Variants in VPS8 observed in about 807,000 individuals in gnomAD.
VPS8 encodes the protein vacuolar protein sorting-associated protein 8 homolog.
A neutral mutation model predicts 216.4 loss-of-function variants in VPS8; 129 were observed. That is an observed-to-expected ratio of 0.60 (90% confidence interval 0.52 to 0.69). The LOEUF (loss-of-function observed/expected upper bound fraction) is 0.69, where lower values mean the gene tolerates loss of function less well. Ranked by LOEUF, VPS8 falls within the 30% of genes least tolerant of loss-of-function variation. The pLI, the probability that VPS8 is intolerant of heterozygous loss-of-function variation, is 0.00. For synonymous variants in VPS8, 571 were observed against 565.4 expected (o/e 1.01, Z -0.14); for missense variants, 1,531 against 1,683.5 (o/e 0.91, Z 1.59).
intron 21 of VPS8, among the ~76,000 whole-genome samples, chr3:184,876,885 C>T (rs1729369516): frequency 1.3e-5 from 2 of 152,090 alleles, no homozygotes; most frequent in African/African-American, 4.8e-5. Flanking sequence ...ACACAGCAGC[C>T]AAAGAGAAAT....
chr3:184,927,114 A>G (rs1231976722), intron 31 of VPS8, among the ~76,000 whole-genome samples: 1 of 152,132 alleles, frequency 6.6e-6, no homozygotes, highest in African/African-American at 2.4e-5. Context: ...CCCTCCGCTA[A>G]TTATCATGAG....
intron 46 of VPS8, among the ~76,000 whole-genome samples, chr3:185,027,710 A>G (rs1561185928): frequency 6.6e-6 from 1 of 152,210 alleles, no homozygotes; most frequent in Non-Finnish European, 1.5e-5. Context: ...CAAACTGAGT[A>G]ATGTCCCAGC....
At chr3:184,942,508 T>C (rs577590476) in intron 36 of VPS8, among the ~76,000 whole-genome samples, 2 of 152,252 alleles carry the variant, frequency 1.3e-5, no homozygotes, top group African/African-American at 4.8e-5. Context: ...ATGACCTCAC[T>C]CTCACAGCCA....
At chr3:184,946,156 C>T (rs114932493) in intron 36 of VPS8, among the ~76,000 whole-genome samples, 5 of 152,186 alleles carry the variant, frequency 3.3e-5, no homozygotes, top group Non-Finnish European at 5.9e-5. Flanking sequence ...TATAGAAAGG[C>T]AAGCTAGGTT....
rs201060624 is a variant in VPS8, at chr3:184,843,290, T to C, written c.541+45T>C. ...TTTGCATGAATGGTTTCTTTTGGTC[T>C]TTTTAATGTTGGAAGAGAATGCTAC... On this transcript the variant is annotated intron_variant, in intron 8 of 47. Transcript: ENST00000625842. 5.2e-6 allele frequency: 7 copies of C among 1,341,940 alleles called. No individual in the cohort carries two copies. In the African/African-American group the frequency reaches 7.4e-5, roughly 14 times the overall value. The allele number at this position is 1,341,940 out of a possible 1,614,324, so 83.1% of individuals were successfully genotyped here.
Position 184,839,843 on chromosome 3 carries a change from G to T in VPS8, c.535+91G>T. 6 of 1,472,228 alleles carry T rather than the reference G, an allele frequency of 4.1e-6. No individual in the cohort carries two copies. In the South Asian group the frequency reaches 6.9e-5, roughly 17 times the overall value. 91.2% of individuals were successfully genotyped at this position (1,472,228 alleles called of 1,614,324 possible). On this transcript the variant is annotated intron_variant, in intron 7 of 47. Coordinates refer to ENST00000625842, the MANE Select transcript of VPS8 (RefSeq NM_001009921.3). ...TAATCACAGTTTATATAGTGTACTT[G>T]ATTTTCTTGAACAAAACCAGAAAAA... is the stretch of plus-strand genomic sequence containing the variant.
intron 1 of VPS8, among the ~76,000 whole-genome samples, chr3:184,821,556 G>A (rs1577710008): frequency 6.6e-6 from 1 of 151,886 alleles, no homozygotes; most frequent in South Asian, 2.1e-4. Flanking sequence ...CCGTGTTGCT[G>A]CCCAGGCTGG....
intron 39 of VPS8, among the ~76,000 whole-genome samples, chr3:184,967,996 C>G (rs558543201): frequency 6.6e-6 from 1 of 152,136 alleles, no homozygotes; most frequent in Non-Finnish European, 1.5e-5. Context: ...TTTAATCTCC[C>G]AAACTGAAAA....
intron 45 of VPS8, among the ~76,000 whole-genome samples, chr3:185,019,289 C>G (rs996410814): frequency 2.0e-5 from 3 of 152,094 alleles, no homozygotes; most frequent in Non-Finnish European, 4.4e-5. Context: ...TTGAGCACCA[C>G]TTGCCGAGAC....
chr3:184,981,349 C>T (rs1367807436), intron 40 of VPS8, among the ~76,000 whole-genome samples: 2 of 151,572 alleles, frequency 1.3e-5, no homozygotes, highest in African/African-American at 2.4e-5. Context: ...CCAGCATGGA[C>T]AGCAGTGGTG....
At chr3:185,035,293 G>C (rs1758723539) in intron 46 of VPS8, among the ~76,000 whole-genome samples, 1 of 152,108 alleles carries the variant, frequency 6.6e-6, no homozygotes, top group South Asian at 2.1e-4. Context: ...AAATCTGGCA[G>C]AGACACGATG....
intron 4 of VPS8, among the ~76,000 whole-genome samples, 179 bp downstream of exon 4, chr3:184,832,998 A>G (rs1240145358): frequency 6.6e-6 from 1 of 152,140 alleles, no homozygotes; most frequent in Non-Finnish European, 1.5e-5. Flanking sequence ...GGTAGGTGCT[A>G]TGACCACAGT....
chr3:184,813,511 C>G (rs1046230629), intron 1 of VPS8, among the ~76,000 whole-genome samples: 8 of 152,066 alleles, frequency 5.3e-5, no homozygotes, highest in Non-Finnish European at 1.0e-4. Flanking sequence ...AATTTAAGCA[C>G]AGAATAGGTA....
chr3:184,833,343 A>G (rs1217512049), intron 4 of VPS8, among the ~76,000 whole-genome samples: 1 of 152,210 alleles, frequency 6.6e-6, no homozygotes, highest in Admixed American at 6.5e-5. Flanking sequence ...GAATTGGAGG[A>G]ATCATACTAT....
At chr3:185,041,858 C>G (rs1404749151) in intron 46 of VPS8, among the ~76,000 whole-genome samples, 1 of 152,190 alleles carries the variant, frequency 6.6e-6, no homozygotes, top group Non-Finnish European at 1.5e-5. Flanking sequence ...TGTGCCAGCC[C>G]TGAAAGCTCC....
At position 184,886,098 on chromosome 3, in the gene VPS8, G is replaced by A; in HGVS notation, c.1735-12G>A. 6.2e-7 allele frequency: 1 copy of A among 1,606,890 alleles called. No individual in the cohort carries two copies. Among genetic ancestry groups the A allele is most frequent in the Non-Finnish European group, 8.5e-7 (1 of 1,176,490 alleles). ...TTGTGGGGCTGATGCTTTCTTTATG[G>A]TTCCTCTACAGGATATGGTGCCTGT... On this transcript the variant is annotated splice_polypyrimidine_tract_variant and intron_variant, in intron 21 of 47. Coordinates refer to ENST00000625842, the MANE Select transcript of VPS8 (RefSeq NM_001009921.3).
At chr3:185,025,918 G>A (rs1344480734) in intron 46 of VPS8, among the ~76,000 whole-genome samples, 1 of 152,162 alleles carries the variant, frequency 6.6e-6, no homozygotes, top group Admixed American at 6.5e-5. Context: ...GTAAAATGGT[G>A]ATGCTACTCT....
At chr3:184,857,920 T>G (rs1725568084) in intron 14 of VPS8, among the ~76,000 whole-genome samples, 1 of 152,190 alleles carries the variant, frequency 6.6e-6, no homozygotes, top group Non-Finnish European at 1.5e-5. Context: ...AGATCTTTTC[T>G]TAAGGGAGAA....
chr3:184,871,463 T>G (rs1728336520), intron 21 of VPS8, among the ~76,000 whole-genome samples: 1 of 152,108 alleles, frequency 6.6e-6, no homozygotes, highest in South Asian at 2.1e-4. Context: ...AGCAGACTTT[T>G]TCTAAAAAGA....
Sources: allele counts gnomAD v4.1 joint callset (sites outside exome capture counted in the v4.1 genomes callset), GRCh38; gene constraint gnomAD v4.1.1; transcripts MANE v1.5; gene names NCBI Gene and HGNC (gene_info 2026-07-23, HGNC 2026-07-21).